Variants in FGFR2 observed in about 807,000 individuals in gnomAD.
The protein encoded by FGFR2 is BEK fibroblast growth factor receptor.
A neutral mutation model predicts 95.9 loss-of-function variants in FGFR2; 19 were observed. That is an observed-to-expected ratio of 0.20 (90% CI 0.14 to 0.29). FGFR2 has a LOEUF of 0.29. Ranked by LOEUF, FGFR2 falls within the 10% of genes least tolerant of loss-of-function variation. The probability of loss-of-function intolerance (pLI) is 1.00; values close to 1 mark genes in which losing one functional copy is unlikely to be tolerated. For missense variants in FGFR2, 707 were observed against 1,056.9 expected (o/e 0.67, Z 4.59); for synonymous variants, 392 against 393.3 (o/e 1.00, Z 0.04).
intron 9 of FGFR2, among the ~76,000 whole-genome samples, chr10:121,512,933 G>T (rs1849246159): frequency 6.6e-6 from 1 of 152,038 alleles, no homozygotes; most frequent in Non-Finnish European, 1.5e-5. Context: ...GCAATGGTGT[G>T]ATCTTGGCTC....
chr10:121,496,950 G>A lies in FGFR2; in HGVS notation c.1673-228C>T, dbSNP rs1846924632. ...GTTCAAGACCAGCCTGGCCAGCATAGCGAAACCTCGTCTCTACTAAAAATA... is the reference window on the plus strand; with the variant it reads ...GTTCAAGACCAGCCTGGCCAGCATAACGAAACCTCGTCTCTACTAAAAATA... On this transcript the variant is annotated intron_variant, in intron 12 of 17. Transcript: ENST00000358487. 1.3e-5 allele frequency among the ~76,000 whole-genome samples: 2 copies of A among 151,440 alleles called. 1 individual carries two copies. The highest frequency in any genetic ancestry group is 4.2e-4 in the South Asian group (2 of 4,766).
chr10:121,538,290 A>C (rs1476099102), intron 6 of FGFR2: 3 of 766,632 alleles, frequency 3.9e-6, no homozygotes, highest in Non-Finnish European at 7.3e-6. Context: ...TCACCTGCCC[A>C]ATTAACATTT....
chr10:121,589,502 T>TG (rs1315643528), intron 2 of FGFR2, among the ~76,000 whole-genome samples: 3 of 152,258 alleles, frequency 2.0e-5, no homozygotes, highest in African/African-American at 7.2e-5. Context: ...TCTTTACTTA[T>TG]GGCTTGATGC....
intron 2 of FGFR2, among the ~76,000 whole-genome samples, chr10:121,581,754 C>G (rs1272426681): frequency 8.2e-6 from 1 of 122,648 alleles, no homozygotes; most frequent in Non-Finnish European, 1.7e-5. Context: ...GAGAGAGACC[C>G]TGCATTTAAA....
chr10:121,587,818 G>A (rs537152925), intron 2 of FGFR2, among the ~76,000 whole-genome samples: 1 of 152,316 alleles, frequency 6.6e-6, no homozygotes, highest in Non-Finnish European at 1.5e-5. Context: ...CCCAATAATT[G>A]TGGAAAGCCG....
chr10:121,480,383 G>T, intron 17 of FGFR2: 2 of 370,072 alleles, frequency 5.4e-6, no homozygotes, highest in Non-Finnish European at 1.0e-5. Flanking sequence ...GGCTTCACAC[G>T]GACCTAAATA....
intron 9 of FGFR2, among the ~76,000 whole-genome samples, chr10:121,513,836 G>A (rs1399118068): frequency 6.6e-6 from 1 of 152,078 alleles, no homozygotes; most frequent in Non-Finnish European, 1.5e-5. Flanking sequence ...CTTGAAACAT[G>A]GCTTTAGAGA....
rs1367826144 is a variant in FGFR2, at chr10:121,533,155, G to A, written c.748+5437C>T. ...TGTAATCTTGGCACTTTGGGAGGCC[G>A]AGGCGGGCGGATCACTCCAGGCCAG... On this transcript the variant is annotated intron_variant, in intron 6 of 17. Coordinates refer to ENST00000358487, the MANE Select transcript of FGFR2 (RefSeq NM_000141.5). Among the ~76,000 whole-genome samples the A allele has an allele frequency of 3.9e-5, 6 of 152,318 alleles. No individual in the cohort carries two copies. The East Asian group carries it at 5.8e-4, about 15-fold the overall frequency.
At chr10:121,515,894 A>G (rs962419275) in intron 8 of FGFR2, among the ~76,000 whole-genome samples, 1 of 150,694 alleles carries the variant, frequency 6.6e-6, no homozygotes, top group African/African-American at 2.4e-5. Flanking sequence ...CCATAAACAA[A>G]CCAATGCATT....
chr10:121,547,710 A>C (rs1854727632), intron 5 of FGFR2, among the ~76,000 whole-genome samples: 1 of 152,142 alleles, frequency 6.6e-6, no homozygotes, highest in Non-Finnish European at 1.5e-5. Flanking sequence ...CATTTCTTTA[A>C]GTCTACGTAG....
chr10:121,498,334 G>A (rs1211598986), intron 12 of FGFR2, among the ~76,000 whole-genome samples, 161 bp downstream of exon 12: 1 of 152,172 alleles, frequency 6.6e-6, no homozygotes, highest in Admixed American at 6.5e-5. Context: ...ACCCTTCTTT[G>A]TGTTCATGGC....
At chr10:121,563,103 C>T (rs1367210797) in intron 4 of FGFR2, among the ~76,000 whole-genome samples, 22 of 152,110 alleles carry the variant, frequency 1.4e-4, no homozygotes, top group Middle Eastern at 3.4e-3. Context: ...AGGCTGGGCA[C>T]GGTGGCTGAC....
chr10:121,581,761 TA>T (rs55911512), intron 2 of FGFR2, among the ~76,000 whole-genome samples: 43,897 of 62,396 alleles, frequency 0.7, 16,457 homozygotes, highest in Non-Finnish European at 0.85. Flanking sequence ...ACCCTGCATT[TA>T]AAAAAAAAAA....
intron 6 of FGFR2, among the ~76,000 whole-genome samples, chr10:121,535,419 G>A (rs188688820): frequency 1.2e-4 from 19 of 152,270 alleles, no homozygotes; most frequent in Non-Finnish European, 2.2e-4. Context: ...GTATGGCCAC[G>A]GACAAACCTG....
In FGFR2 at chr10:121,589,107, T is replaced by C. The variant is rs568201083; in HGVS notation, c.109+4602A>G. On this transcript the variant is annotated intron_variant, in intron 2 of 17. Transcript: ENST00000358487. Reference sequence around the variant, plus strand: ...GTCCCCCTGGCGAGAATCGGACCAGTACAGTGGAGAGTAGCACACCAGCTA... The same window carrying C: ...GTCCCCCTGGCGAGAATCGGACCAGCACAGTGGAGAGTAGCACACCAGCTA... Among the ~76,000 whole-genome samples, 247 of 152,294 alleles carry C rather than the reference T, an allele frequency of 1.6e-3. 2 individuals are homozygous for C. Among genetic ancestry groups the C allele is most frequent in the African/African-American group, 5.3e-3 (222 of 41,566 alleles).
chr10:121,565,521 G>A lies in FGFR2; in HGVS notation c.293C>T (p.Thr98Met), dbSNP rs1041970177. ...AGCATAGAGGCCGGAGTCTCTAGGC[G>A]TGGCGCCCTTTATCTGCAAGTACTC... is the stretch of plus-strand genomic sequence containing the variant. ...IGEYLQIKGA[T>M]PRDSGLYACT... The change falls in exon 3 of 18, where the codon ACG becomes ATG. Residue 98 changes from threonine to methionine, a missense_variant. Physicochemically the swap from Thr to Met is moderately conservative, Grantham distance 81. Coordinates refer to ENST00000358487, the MANE Select transcript of FGFR2 (RefSeq NM_000141.5). 3.7e-5 allele frequency: 59 copies of A among 1,614,074 alleles called. No individual in the cohort carries two copies. Among genetic ancestry groups the A allele is most frequent in the Admixed American group, 5.0e-5 (3 of 60,002 alleles).
At chr10:121,553,291 C>G (rs779854147) in intron 4 of FGFR2, among the ~76,000 whole-genome samples, 1 of 152,152 alleles carries the variant, frequency 6.6e-6, no homozygotes, top group Non-Finnish European at 1.5e-5. Context: ...GGCTGAATTC[C>G]TTCCTTTGAA....
rs1564853326 is a variant in FGFR2, at chr10:121,485,292, T to C, written c.2195+103A>G. 2.7e-6 allele frequency: 4 copies of C among 1,501,938 alleles called. No individual in the cohort carries two copies. The highest frequency in any genetic ancestry group is 3.7e-6 in the Non-Finnish European group (4 of 1,080,830). 93.0% of individuals were successfully genotyped at this position (1,501,938 alleles called of 1,614,324 possible). A position where few individuals can be genotyped will look rare whatever the true frequency, so the allele number is the denominator to read the frequency against. On this transcript the variant is annotated intron_variant, in intron 16 of 17. Transcript: ENST00000358487. The surrounding 1 kb of genome is among the most constrained non-coding windows in gnomAD (Gnocchi z 4.2). ...AGCTTCAGCCATTCTTCTTAGAGCA[T>C]GTTTAGGAAACCAGGGGCCTTCAAA...
intron 17 of FGFR2, chr10:121,481,864 T>A (rs1844765417): frequency 5.0e-6 from 1 of 201,170 alleles, no homozygotes; most frequent in Non-Finnish European, 9.2e-6. Flanking sequence ...TGAGACGGAG[T>A]CTCGCTCTGT....
Sources: gnomAD v4.1 joint callset for allele counts (sites outside exome capture counted in the v4.1 genomes callset) on GRCh38, gnomAD v4.1.1 for gene constraint, Gnocchi (gnomAD v3.1) non-coding constraint, MANE v1.5 for transcripts, NCBI Gene and HGNC (gene_info 2026-07-23, HGNC 2026-07-21) for gene names.